LINC00632: variants seen among roughly 807,000 people sequenced by gnomAD.
LINC00632 encodes the protein ALDOA related specific transcript.
chrX:140,761,344 G>C (rs1407464595), intron 3 of LINC00632, among the ~76,000 whole-genome samples: 2 of 112,440 alleles, frequency 1.8e-5, no homozygotes, highest in Admixed American at 9.4e-5. Context: ...ACAAGACAGA[G>C]ACATCTTAGT....
exon 4 of LINC00632, among the ~76,000 whole-genome samples, chrX:140,774,252 T>C (rs1285979233): frequency 8.9e-6 from 1 of 112,292 alleles, no homozygotes; most frequent in Non-Finnish European, 1.9e-5. Context: ...CAAATGAAAT[T>C]GTCACAATGA....
intron 2 of LINC00632, among the ~76,000 whole-genome samples, chrX:140,732,988 C>T (rs1931084570): frequency 9.0e-6 from 1 of 111,655 alleles, no homozygotes; most frequent in South Asian, 3.8e-4. Context: ...GTCTCAAACT[C>T]CTGACCTCAG....
chrX:140,720,751 TGTCCCATCA>T (rs990792609), intron 2 of LINC00632, among the ~76,000 whole-genome samples: 3 of 112,071 alleles, frequency 2.7e-5, no homozygotes, highest in African/African-American at 9.7e-5. Context: ...TACATGGACG[TGTCCCATCA>T]TACATATAAT....
intron 3 of LINC00632, among the ~76,000 whole-genome samples, chrX:140,759,568 C>T (rs1380994231): frequency 9.2e-6 from 1 of 108,634 alleles, no homozygotes; most frequent in East Asian, 2.9e-4. Context: ...ACTATGTTGC[C>T]CAGGCTGGTC....
exon 5 of LINC00632, among the ~76,000 whole-genome samples, chrX:140,777,811 A>G (rs1278627311): frequency 8.9e-6 from 1 of 112,280 alleles, no homozygotes; most frequent in African/African-American, 3.2e-5. Context: ...AAGTCTTTCT[A>G]TCTCTGACAT....
At chrX:140,774,559 G>T (rs1029669656) in exon 5 of LINC00632, among the ~76,000 whole-genome samples, 3 of 111,125 alleles carry the variant, frequency 2.7e-5, no homozygotes, top group African/African-American at 9.8e-5. Flanking sequence ...TGAAAGAGGA[G>T]CAGAAGACTG....
exon 5 of LINC00632, among the ~76,000 whole-genome samples, chrX:140,785,162 C>T (rs1797930818): frequency 1.0e-5 from 1 of 95,565 alleles, no homozygotes; most frequent in African/African-American, 4.3e-5. Context: ...ATTGGTCTTA[C>T]ATGACCAAAG....
intron 2 of LINC00632, among the ~76,000 whole-genome samples, chrX:140,720,820 C>T (rs1930716113): frequency 8.9e-6 from 1 of 111,847 alleles, no homozygotes; most frequent in Non-Finnish European, 1.9e-5. Context: ...TATTTCATAA[C>T]ACCAACGCTT....
intron 3 of LINC00632, among the ~76,000 whole-genome samples, chrX:140,748,607 G>C (rs193186922): frequency 1.4e-4 from 16 of 110,531 alleles, no homozygotes; most frequent in Admixed American, 4.9e-4. Flanking sequence ...CAGGAAGTCA[G>C]AAAATAAATT....
intron 2 of LINC00632, among the ~76,000 whole-genome samples, chrX:140,723,866 C>T (rs748301298): frequency 7.8e-4 from 67 of 85,547 alleles, no homozygotes; most frequent in African/African-American, 3.1e-3. Context: ...ATTCCATACA[C>T]ACACCTTCCA....
intron 3 of LINC00632, among the ~76,000 whole-genome samples, chrX:140,765,689 T>C (rs1309018765): frequency 9.2e-6 from 1 of 108,561 alleles, no homozygotes; most frequent in Admixed American, 1.0e-4. Flanking sequence ...TTACCTCTCC[T>C]AGTAAGTGAC....
intron 3 of LINC00632, among the ~76,000 whole-genome samples, chrX:140,746,236 A>T (rs1194952742): frequency 8.9e-6 from 1 of 111,964 alleles, no homozygotes; most frequent in East Asian, 2.8e-4. Context: ...TCTTTTAACT[A>T]CTTAACTTTT....
rs147055126 is a variant in LINC00632, at chrX:140,718,346, G to A, written n.104+6690G>A. Among the ~76,000 whole-genome samples, 922 of 108,922 alleles carry A rather than the reference G, an allele frequency of 8.5e-3. 12 individuals are homozygous for A. The highest frequency in any genetic ancestry group is 0.028 in the African/African-American group (842 of 29,939). 94.6% of individuals were successfully genotyped at this position (108,922 alleles called of 115,157 possible). A position where few individuals can be genotyped will look rare whatever the true frequency, so the allele number is the denominator to read the frequency against. The stretch of plus-strand genomic sequence containing the variant: ...AATATCCCTCATAAAGCACAGAATT[G>A]CATCATAGTGAATACTCTCACCGCT... On this transcript the variant is annotated intron_variant and non_coding_transcript_variant, in intron 2 of 4. Coordinates refer to ENST00000648200, the Ensembl canonical transcript of LINC00632.
intron 2 of LINC00632, among the ~76,000 whole-genome samples, chrX:140,724,053 GCA>G (rs573277981): frequency 2.6e-4 from 5 of 19,527 alleles, no homozygotes; most frequent in African/African-American, 3.6e-4. Flanking sequence ...CATTCTGTAT[GCA>G]CACACACACA....
chrX:140,754,583 A>G (rs181241834), intron 3 of LINC00632, among the ~76,000 whole-genome samples: 38 of 111,627 alleles, frequency 3.4e-4, no homozygotes, highest in African/African-American at 1.2e-3. Flanking sequence ...ATTATACTGC[A>G]TCTTGTCTCC....
chrX:140,788,526 T>C (rs1932051404), exon 5 of LINC00632, among the ~76,000 whole-genome samples: 1 of 109,868 alleles, frequency 9.1e-6, no homozygotes, highest in Non-Finnish European at 1.9e-5. Context: ...ATGTTCTATT[T>C]TGAACATGTG....
At chrX:140,754,746 TA>T (rs1285053988) in intron 3 of LINC00632, among the ~76,000 whole-genome samples, 1 of 110,113 alleles carries the variant, frequency 9.1e-6, no homozygotes, top group Non-Finnish European at 1.9e-5. Flanking sequence ...TTGAAGGAAG[TA>T]AAAGTAGACA....
chrX:140,768,563 A>G (rs1931729684), intron 3 of LINC00632, among the ~76,000 whole-genome samples: 1 of 99,630 alleles, frequency 1.0e-5, no homozygotes, highest in Non-Finnish European at 2.0e-5. Context: ...TATATTATAT[A>G]TTTATTATAT....
At chrX:140,786,408 C>T (rs1000590275) in exon 5 of LINC00632, among the ~76,000 whole-genome samples, 2 of 111,462 alleles carry the variant, frequency 1.8e-5, no homozygotes, top group African/African-American at 3.3e-5. Context: ...TCAAGGAAAG[C>T]ATTCCTAAAG....
Sources: allele counts gnomAD v4.1 joint callset (sites outside exome capture counted in the v4.1 genomes callset), GRCh38; gene constraint gnomAD v4.1.1; transcripts MANE v1.5; gene names NCBI Gene and HGNC (gene_info 2026-07-23, HGNC 2026-07-21).